The following WWOX variants were observed in gnomAD, a reference collection of about 807,000 sequenced individuals.
WWOX encodes the protein WW domain-containing oxidoreductase.
In WWOX, 69 loss-of-function variants were observed where a neutral mutation model predicts 46.2. The observed-to-expected ratio is 1.49, with a 90% confidence interval of 1.23 to 1.82. WWOX has a LOEUF of 1.82. Among genes scored for constraint, WWOX ranks in the 40% most tolerant of loss-of-function variants. The probability of loss-of-function intolerance (pLI) is 0.00; values close to 1 mark genes in which losing one functional copy is unlikely to be tolerated. For synonymous variants in WWOX, 359 were observed against 202.6 expected (o/e 1.77, Z -6.56); for missense variants, 919 against 542.6 (o/e 1.69, Z -6.89).
chr16:79,140,506 T>C (rs1031148561), intron 8 of WWOX, among the ~76,000 whole-genome samples: 11 of 152,168 alleles, frequency 7.2e-5, no homozygotes, highest in African/African-American at 2.7e-4. Flanking sequence ...ATTCCTTGTC[T>C]CTGGAAAATC....
In WWOX at chr16:78,129,173, T is replaced by A. The variant is rs1018955968; in HGVS notation, c.409+14019T>A. On this transcript the variant is annotated intron_variant, in intron 4 of 8. Transcript: ENST00000566780. ...GGTTAGCGTCGCCACTTGCCCAGTG[T>A]TTCTTTTTTATTTCCTGCTGGCCTG... 2.6e-4 allele frequency among the ~76,000 whole-genome samples: 39 copies of A among 152,290 alleles called. 1 individual carries two copies. Among genetic ancestry groups the A allele is most frequent in the African/African-American group, 8.4e-4 (35 of 41,564 alleles).
rs1029212396 is a variant in WWOX, at chr16:78,611,536, C to T, written c.1056+178784C>T. Among the ~76,000 whole-genome samples the T allele has an allele frequency of 2.0e-5, 3 of 152,154 alleles. No homozygotes were observed. In the South Asian group the frequency reaches 6.2e-4, roughly 32 times the overall value. On this transcript the variant is annotated intron_variant, in intron 8 of 8. Coordinates refer to ENST00000566780, the MANE Select transcript of WWOX (RefSeq NM_016373.4). ...ACAGACACTTATGGGAGGTACTGGCCAGCTCTGTATGGCCAGTACTGCCCT... is the reference window on the plus strand; with the variant it reads ...ACAGACACTTATGGGAGGTACTGGCTAGCTCTGTATGGCCAGTACTGCCCT...
chr16:78,944,192 C>T, intron 8 of WWOX, among the ~76,000 whole-genome samples: 1 of 152,192 alleles, frequency 6.6e-6, no homozygotes, highest in Non-Finnish European at 1.5e-5. Context: ...ACAACACATC[C>T]CATCCTTCTG....
chr16:79,196,511 G>C (rs1359500938), intron 8 of WWOX: 2 of 152,162 alleles, frequency 1.3e-5, no homozygotes, highest in South Asian at 2.1e-4. Flanking sequence ...AGGAGAAAAT[G>C]CTGAGTCTAT....
At chr16:78,886,953 C>A (rs749266951) in intron 8 of WWOX, among the ~76,000 whole-genome samples, 1 of 152,098 alleles carries the variant, frequency 6.6e-6, no homozygotes, top group African/African-American at 2.4e-5. Flanking sequence ...ATATAAAATT[C>A]TTAAAGTTTA....
At chr16:79,099,225 G>C (rs1031720395) in intron 8 of WWOX, among the ~76,000 whole-genome samples, 1 of 152,224 alleles carries the variant, frequency 6.6e-6, no homozygotes, top group South Asian at 2.1e-4. Flanking sequence ...AACACCTCCC[G>C]GTAGGCTCCA....
At chr16:78,905,924 C>G (rs966022291) in intron 8 of WWOX, among the ~76,000 whole-genome samples, 2 of 152,168 alleles carry the variant, frequency 1.3e-5, no homozygotes, top group East Asian at 1.9e-4. Context: ...CTCCTTCCCA[C>G]CTATGTTGAT....
rs1319683069 is a variant in WWOX, at chr16:78,443,783, T to C, written c.1056+11031T>C. ...CTCTTTATAACTCTTTGTAGCTCTTTTATTACTTTTCTTTTTTCTTTTAAG... is the reference window on the plus strand; with the variant it reads ...CTCTTTATAACTCTTTGTAGCTCTTCTATTACTTTTCTTTTTTCTTTTAAG... On this transcript the variant is annotated intron_variant, in intron 8 of 8. Transcript: ENST00000566780. 2.6e-5 allele frequency among the ~76,000 whole-genome samples: 4 copies of C among 152,316 alleles called. No homozygotes were observed. In the South Asian group the frequency reaches 6.2e-4, roughly 24 times the overall value.
chr16:78,494,182 G>T lies in WWOX; in HGVS notation c.1056+61430G>T, dbSNP rs117136226. Among the ~76,000 whole-genome samples, 61 of 152,284 alleles carry T rather than the reference G, an allele frequency of 4.0e-4. No individual in the cohort carries two copies. In the East Asian group the frequency reaches 0.01, roughly 26 times the overall value. ...GGTGCTAGATGCTTTTAAACAAACA[G>T]ATCTCAGGAGAACTCTTTCACAAGA... On this transcript the variant is annotated intron_variant, in intron 8 of 8. Transcript: ENST00000566780.
chr16:78,955,114 G>T (rs1282362646), intron 8 of WWOX, among the ~76,000 whole-genome samples: 1 of 152,132 alleles, frequency 6.6e-6, no homozygotes, highest in Non-Finnish European at 1.5e-5. Flanking sequence ...GACAGTTGAA[G>T]ACTATATTGA....
At chr16:78,683,637 C>A (rs1437054546) in intron 8 of WWOX, among the ~76,000 whole-genome samples, 1 of 152,118 alleles carries the variant, frequency 6.6e-6, no homozygotes, top group African/African-American at 2.4e-5. Context: ...CCTGGGTTCA[C>A]GTGATCCTCC....
At chr16:78,324,991 C>T (rs1420262707) in intron 5 of WWOX, among the ~76,000 whole-genome samples, 1 of 152,174 alleles carries the variant, frequency 6.6e-6, no homozygotes, top group Admixed American at 6.6e-5. Context: ...CCAGAGAAAA[C>T]CACTCAGGGC....
chr16:78,135,495 T>G (rs1207366922), intron 4 of WWOX, among the ~76,000 whole-genome samples: 1 of 152,212 alleles, frequency 6.6e-6, no homozygotes, highest in Non-Finnish European at 1.5e-5. Context: ...GTTAATGTTG[T>G]TTAGATATTA....
chr16:78,489,668 G>A (rs1432584700), intron 8 of WWOX, among the ~76,000 whole-genome samples: 1 of 152,184 alleles, frequency 6.6e-6, no homozygotes, highest in Non-Finnish European at 1.5e-5. Flanking sequence ...GGTAAAAGAA[G>A]AGGATGGAAA....
chr16:78,784,393 C>T (rs1321645785), intron 8 of WWOX, among the ~76,000 whole-genome samples: 3 of 152,046 alleles, frequency 2.0e-5, no homozygotes, highest in South Asian at 2.1e-4. Flanking sequence ...AAATCTGTGA[C>T]TCCACTTAGT....
intron 6 of WWOX, among the ~76,000 whole-genome samples, chr16:78,405,501 G>A (rs1302829461): frequency 6.6e-6 from 1 of 152,086 alleles, no homozygotes; most frequent in African/African-American, 2.4e-5. Context: ...ATATGTTGAT[G>A]TTTCTCATTT....
chr16:78,704,402 T>C (rs534236584), intron 8 of WWOX, among the ~76,000 whole-genome samples: 26 of 152,308 alleles, frequency 1.7e-4, no homozygotes, highest in African/African-American at 5.1e-4. Context: ...TTTATACATA[T>C]AATGCACAAT....
At chr16:78,245,638 A>T (rs1243466731) in intron 5 of WWOX, among the ~76,000 whole-genome samples, 1 of 152,226 alleles carries the variant, frequency 6.6e-6, no homozygotes, top group Non-Finnish European at 1.5e-5. Context: ...TGCCTCACTA[A>T]TGTGCATGTC....
intron 8 of WWOX, chr16:78,526,022 C>G (rs893711855): frequency 2.0e-5 from 3 of 152,204 alleles, no homozygotes; most frequent in African/African-American, 7.2e-5. Context: ...GTAAGCAGCT[C>G]TGGCTTTTAT....
Sources: gnomAD v4.1 joint callset for allele counts (sites outside exome capture counted in the v4.1 genomes callset) on GRCh38, gnomAD v4.1.1 for gene constraint, MANE v1.5 for transcripts, NCBI Gene and HGNC (gene_info 2026-07-23, HGNC 2026-07-21) for gene names.